SMARCA2: variants seen among roughly 807,000 people sequenced by gnomAD.
SMARCA2 encodes SWI/SNF-related matrix-associated actin-dependent regulator of chromatin subfamily A member 2.
A neutral mutation model predicts 199.8 loss-of-function variants in SMARCA2; 61 were observed. The ratio of observed to expected loss-of-function variants is 0.31; its 90% CI spans 0.25 to 0.38. The LOEUF (loss-of-function observed/expected upper bound fraction) is 0.38, where lower values mean the gene tolerates loss of function less well. SMARCA2 is among the 10% of genes least tolerant of loss of function. The pLI is 1.00. For synonymous variants in SMARCA2, 935 were observed against 732.0 expected, an observed-to-expected ratio of 1.28 and a Z score of -4.48; for missense variants, 1,344 against 2,012.2, an observed-to-expected ratio of 0.67 and a Z score of 6.35.
At chr9:2,168,104 C>T (rs368312564) in intron 28 of SMARCA2, among the ~76,000 whole-genome samples, 1 of 151,266 alleles carries the variant, frequency 6.6e-6, no homozygotes. Context: ...ATCTGCCTCC[C>T]GGGTTCAAGC....
intron 31 of SMARCA2, among the ~76,000 whole-genome samples, chr9:2,182,572 C>T (rs2129891573): frequency 6.8e-6 from 1 of 147,908 alleles, no homozygotes; most frequent in South Asian, 2.2e-4. Context: ...CGGCTCATGG[C>T]AACCTCCGCC....
chr9:2,053,939 G>A (rs1820237885), intron 5 of SMARCA2, among the ~76,000 whole-genome samples: 1 of 152,120 alleles, frequency 6.6e-6, no homozygotes, highest in African/African-American at 2.4e-5. Flanking sequence ...AGAAACTCTT[G>A]GTTTTTGAGT....
chr9:2,088,730 T>C, intron 19 of SMARCA2, 117 bp downstream of exon 19: 1 of 723,300 alleles, frequency 1.4e-6, no homozygotes, highest in South Asian at 1.7e-5. Context: ...GTTAATAGTA[T>C]CTTGAAAATA....
At chr9:2,158,180 A>T (rs1825475820) in intron 27 of SMARCA2, 1 of 229,690 alleles carries the variant, frequency 4.4e-6, no homozygotes, top group Non-Finnish European at 8.1e-6. Context: ...AAAAAAAAAA[A>T]AAAAGGTTGC....
intron 28 of SMARCA2, among the ~76,000 whole-genome samples, chr9:2,165,471 A>G (rs1825889447): frequency 6.6e-6 from 1 of 152,206 alleles, no homozygotes; most frequent in African/African-American, 2.4e-5. Flanking sequence ...TCATAAGTGT[A>G]AAATCCTTCT....
intron 27 of SMARCA2, among the ~76,000 whole-genome samples, chr9:2,154,473 C>A (rs1825236216): frequency 6.6e-6 from 1 of 152,130 alleles, no homozygotes; most frequent in African/African-American, 2.4e-5. Flanking sequence ...ACATTCTTTG[C>A]ATTGGACTCA....
intron 25 of SMARCA2, among the ~76,000 whole-genome samples, chr9:2,118,983 A>G (rs1486794294): frequency 6.6e-6 from 1 of 152,200 alleles, no homozygotes; most frequent in African/African-American, 2.4e-5. Context: ...GTGCCTAGTA[A>G]CAAGGTTTCA....
At chr9:2,035,413 T>A (rs1352866107) in intron 3 of SMARCA2, among the ~76,000 whole-genome samples, 1 of 152,188 alleles carries the variant, frequency 6.6e-6, no homozygotes, top group East Asian at 1.9e-4. Flanking sequence ...GCCAGGTGCT[T>A]ACTTTTTCTG....
At position 2,076,364 on chromosome 9, in the gene SMARCA2, CATGAGGATG is replaced by C. The variant is rs745768826; in HGVS notation, c.2036+39_2036+47del. On this transcript the variant is annotated intron_variant, in intron 13 of 33. Coordinates refer to ENST00000349721, the MANE Select transcript of SMARCA2 (RefSeq NM_003070.5). ...GCATTTTTCCCTTGGAAATGCATTG[CATGAGGATG>C]ATGCTTAATGAATTTTCTTTTAGGA... is the stretch of plus-strand genomic sequence containing the variant. 7 of 1,239,206 alleles carry C rather than the reference CATGAGGATG, an allele frequency of 5.6e-6. No individual in the cohort carries two copies. The East Asian group carries it at 1.6e-4, about 29-fold the overall frequency. 76.8% of individuals were successfully genotyped at this position (1,239,206 alleles called of 1,614,324 possible). A position where few individuals can be genotyped will look rare whatever the true frequency, so the allele number is the denominator to read the frequency against.
intron 27 of SMARCA2, among the ~76,000 whole-genome samples, chr9:2,154,127 C>A (rs922868395): frequency 1.3e-5 from 2 of 152,214 alleles, no homozygotes; most frequent in Non-Finnish European, 2.9e-5. Flanking sequence ...CTCTGTGCCT[C>A]AGTTTCCTCA....
intron 29 of SMARCA2, among the ~76,000 whole-genome samples, chr9:2,175,655 A>G (rs1826530418): frequency 2.0e-5 from 3 of 152,226 alleles, no homozygotes; most frequent in African/African-American, 7.2e-5. Flanking sequence ...AGGTAACCCA[A>G]TTAAAGTGTT....
At chr9:2,100,075 T>C (rs1350512171) in intron 21 of SMARCA2, among the ~76,000 whole-genome samples, 1 of 152,088 alleles carries the variant, frequency 6.6e-6, no homozygotes, top group Non-Finnish European at 1.5e-5. Context: ...CTGGTCCCCT[T>C]GGAGGAAAAG....
chr9:2,032,905 A>G (rs1370719572), intron 2 of SMARCA2, 47 bp from the exon 3 acceptor site: 2 of 1,569,726 alleles, frequency 1.3e-6, no homozygotes, highest in Non-Finnish European at 1.7e-6. Flanking sequence ...AAATAGAAAT[A>G]TTTTACCTTA....
chr9:2,176,422 C>G (rs940045718), intron 29 of SMARCA2, among the ~76,000 whole-genome samples: 2 of 152,088 alleles, frequency 1.3e-5, no homozygotes, highest in African/African-American at 4.8e-5. Context: ...TTTTAAGACT[C>G]TAGACAAAGT....
chr9:2,100,829 A>G (rs892047438), intron 21 of SMARCA2, among the ~76,000 whole-genome samples: 30 of 152,210 alleles, frequency 2.0e-4, no homozygotes, highest in African/African-American at 7.0e-4. Flanking sequence ...CTGCTGATAA[A>G]GACATACCTG....
chr9:2,121,932 A>G (rs1416962329), intron 26 of SMARCA2, among the ~76,000 whole-genome samples: 1 of 152,340 alleles, frequency 6.6e-6, no homozygotes, highest in East Asian at 1.9e-4. Context: ...TGTACTTGTA[A>G]GCATAAGGTT....
intron 21 of SMARCA2, among the ~76,000 whole-genome samples, chr9:2,097,725 C>G (rs1024147556): frequency 2.6e-5 from 4 of 152,086 alleles, no homozygotes; most frequent in East Asian, 1.9e-4. Context: ...AGAGAAAATG[C>G]TATAAGCAGT....
In SMARCA2 at chr9:2,039,574, C is replaced by T; in HGVS notation, c.464C>T (p.Ala155Val). ...PPQMPPSQPG[A>V]LIPGDPQAMS... ...CAGATGCCACCAAGCCAGCCGGGGG[C>T]CCTCATCCCAGGTGATCCGCAGGCC... Residue 155 changes from alanine (A) to valine (V), a missense_variant, in exon 4 of 34, where the codon GCC (alanine) becomes GTC (valine). Transcript: ENST00000349721. The surrounding 1 kb of genome is among the most constrained non-coding windows in gnomAD (Gnocchi z 4.8). The T allele has an allele frequency of 6.2e-7, 1 of 1,614,198 alleles. No individual in the cohort carries two copies. The highest frequency in any genetic ancestry group is 1.1e-5 in the South Asian group (1 of 91,082).
intron 11 of SMARCA2, 81 bp from the exon 12 acceptor site, chr9:2,073,485 T>C: frequency 2.1e-6 from 3 of 1,439,928 alleles, no homozygotes; most frequent in Non-Finnish European, 2.9e-6. Context: ...ACATAGAATG[T>C]GCTATTAAGT....
Sources: gnomAD v4.1 joint callset for allele counts (sites outside exome capture counted in the v4.1 genomes callset) on GRCh38, gnomAD v4.1.1 for gene constraint, Gnocchi (gnomAD v3.1) non-coding constraint, MANE v1.5 for transcripts, NCBI Gene and HGNC (gene_info 2026-07-23, HGNC 2026-07-21) for gene names.